GTSF1: variants seen among roughly 807,000 people sequenced by gnomAD.
GTSF1 encodes the protein gametocyte-specific factor 1.
GTSF1 carries 11 observed loss-of-function variants against 28.9 expected under a neutral mutation model. The observed-to-expected ratio is 0.38, with a 90% confidence interval of 0.24 to 0.63. GTSF1 has a LOEUF of 0.63. Among genes scored for constraint, GTSF1 ranks in the 30% least tolerant of loss-of-function variants. GTSF1 has a pLI of 0.56. For missense variants in GTSF1, 146 were observed against 201.0 expected (o/e 0.73, Z 1.66); for synonymous variants, 69 against 65.6 (o/e 1.05, Z -0.25).
At chr12:54,461,756 C>T (rs754988647) in intron 6 of GTSF1, among the ~76,000 whole-genome samples, 1 of 152,140 alleles carries the variant, frequency 6.6e-6, no homozygotes, top group African/African-American at 2.4e-5. Context: ...TTTTCCTATA[C>T]ACTAGTTACC....
At position 54,459,647 on chromosome 12, in the gene GTSF1, C is replaced by G. The variant is rs988897342; in HGVS notation, c.488-522G>C. ...GCTGGTTCTTATGACTTATGACTTTCATTTTCTCTCTACTCATTTCCTTTT... is the reference window on the plus strand; with the variant it reads ...GCTGGTTCTTATGACTTATGACTTTGATTTTCTCTCTACTCATTTCCTTTT... On this transcript the variant is annotated intron_variant, in intron 7 of 8. Coordinates refer to ENST00000305879, the MANE Select transcript of GTSF1 (RefSeq NM_144594.3). The G allele has an allele frequency of 1.6e-5, 4 of 244,916 alleles. No homozygotes were observed. In the South Asian group the frequency reaches 1.8e-4, roughly 11 times the overall value. 15.2% of individuals were successfully genotyped at this position (244,916 alleles called of 1,614,324 possible).
chr12:54,462,428 C>T (rs945290946), intron 5 of GTSF1, among the ~76,000 whole-genome samples: 2 of 152,074 alleles, frequency 1.3e-5, no homozygotes, highest in Non-Finnish European at 2.9e-5. Context: ...TGGAAAAAAA[C>T]AGATGTAAAG....
intron 6 of GTSF1, among the ~76,000 whole-genome samples, 198 bp from the exon 7 acceptor site, chr12:54,460,669 G>A (rs1440064661): frequency 6.6e-6 from 1 of 152,152 alleles, no homozygotes; most frequent in Admixed American, 6.5e-5. Flanking sequence ...TCCCTGTTCT[G>A]TATAGACATT....
intron 6 of GTSF1, among the ~76,000 whole-genome samples, chr12:54,461,442 G>T (rs539043324): frequency 1.1e-4 from 17 of 152,012 alleles, no homozygotes; most frequent in African/African-American, 3.1e-4. Flanking sequence ...GGAGGCAGAG[G>T]GGGGAGGATC....
intron 4 of GTSF1, 118 bp downstream of exon 4, chr12:54,463,053 G>A (rs1329523666): frequency 4.1e-6 from 4 of 980,000 alleles, no homozygotes; most frequent in Non-Finnish European, 4.5e-6. Flanking sequence ...TCTCAAAGGT[G>A]GAAAAGTATT....
At position 54,465,094 on chromosome 12, in the gene GTSF1, A is replaced by G. The variant is rs771978113; in HGVS notation, c.90T>C (p.Phe30=). ...TTCTGCACTTGATAAGATGATAAGG[A>G]AACCTGCAAGCCCTGATTTGATGGT... ...DKNHQIRACR[F]PYHLIKCRKN... The change falls in exon 3 of 9, where the codon TTT becomes TTC. Residue 30 remains phenylalanine (F), a synonymous_variant. Transcript: ENST00000305879. 2 of 1,613,428 alleles carry G rather than the reference A, an allele frequency of 1.2e-6. No individual in the cohort carries two copies. The highest frequency in any genetic ancestry group is 8.5e-7 in the Non-Finnish European group (1 of 1,179,470).
intron 2 of GTSF1, among the ~76,000 whole-genome samples, chr12:54,470,100 G>A (rs1956576192): frequency 1.3e-5 from 2 of 152,050 alleles, no homozygotes; most frequent in African/African-American, 4.8e-5. Context: ...GCTTGAACCC[G>A]GGAGGGTGGA....
chr12:54,462,558 T>TA, intron 5 of GTSF1, 84 bp downstream of exon 5: 1 of 1,172,680 alleles, frequency 8.5e-7, no homozygotes. Context: ...GGTATGTTCA[T>TA]AAAAAAGGAA....
chr12:54,471,499 C>T (rs1169654858), intron 1 of GTSF1, among the ~76,000 whole-genome samples: 2 of 152,070 alleles, frequency 1.3e-5, no homozygotes, highest in African/African-American at 4.8e-5. Context: ...ATTCTAGGGC[C>T]TACCAAATAG....
intron 7 of GTSF1, 38 bp downstream of exon 7, chr12:54,460,339 T>A (rs376348312): frequency 7.1e-7 from 1 of 1,408,544 alleles, no homozygotes; most frequent in African/African-American, 1.4e-5. Flanking sequence ...TTTAGCACAA[T>A]GAAAAGAGTA....
In GTSF1 at chr12:54,473,537, T is replaced by C. The variant is rs1360257270; in HGVS notation, c.-30+9A>G. The C allele has an allele frequency of 6.6e-6, 1 of 152,130 alleles. No individual in the cohort carries two copies. The highest frequency in any genetic ancestry group is 1.5e-5 in the Non-Finnish European group (1 of 68,020). The allele number at this position is 152,130 out of a possible 1,614,324, so 9.4% of individuals were successfully genotyped here. On this transcript the variant is annotated intron_variant, in intron 1 of 8. Transcript: ENST00000305879. ...TTGCTTAGAGGCGCCCCGGGGTGCC[T>C]TTCCTTACCTCGGTGGACACACACC... is the stretch of plus-strand genomic sequence containing the variant.
chr12:54,459,341 T>A, intron 7 of GTSF1: 1 of 1,435,146 alleles, frequency 7.0e-7, no homozygotes, highest in Non-Finnish European at 9.1e-7. Context: ...ATTTGGTGAC[T>A]TCATTTTTTG....
At chr12:54,469,538 A>T (rs1956568043) in intron 2 of GTSF1, among the ~76,000 whole-genome samples, 1 of 151,118 alleles carries the variant, frequency 6.6e-6, no homozygotes, top group African/African-American at 2.4e-5. Flanking sequence ...AAATATAAAA[A>T]TTAGCCAGGC....
chr12:54,467,930 T>C (rs1956543581), intron 2 of GTSF1, among the ~76,000 whole-genome samples: 1 of 151,148 alleles, frequency 6.6e-6, no homozygotes, highest in South Asian at 2.1e-4. Context: ...CCCGCCACCA[T>C]GCCTGGCTAA....
At chr12:54,462,539 G>C in intron 5 of GTSF1, 103 bp downstream of exon 5, 1 of 932,870 alleles carries the variant, frequency 1.1e-6, no homozygotes, top group Admixed American at 2.2e-5. Flanking sequence ...AAGGCATTCT[G>C]AACAACATGG....
At chr12:54,466,785 T>C (rs1376393536) in intron 2 of GTSF1, 2 of 151,286 alleles carry the variant, frequency 1.3e-5, no homozygotes, top group East Asian at 1.9e-4. Flanking sequence ...CCTGGCTTTC[T>C]AGATTAAAAA....
At chr12:54,460,292 C>T in intron 7 of GTSF1, 85 bp downstream of exon 7, 2 of 1,002,482 alleles carry the variant, frequency 2.0e-6, no homozygotes, top group South Asian at 1.4e-5. Flanking sequence ...GCAAGGTGTT[C>T]AGACTGAACA....
At chr12:54,462,587 A>C (rs139238320) in intron 5 of GTSF1, 55 bp downstream of exon 5, 1 of 1,422,556 alleles carries the variant, frequency 7.0e-7, no homozygotes, top group African/African-American at 1.4e-5. Flanking sequence ...TTCTGTCTTA[A>C]GCAAATGACT....
At chr12:54,473,395 G>GA (rs1417908869) in intron 1 of GTSF1, among the ~76,000 whole-genome samples, 151 bp downstream of exon 1, 1 of 152,134 alleles carries the variant, frequency 6.6e-6, no homozygotes, top group African/African-American at 2.4e-5. Context: ...GCAATGCAGC[G>GA]AAACAGGTTG....
Sources: allele counts gnomAD v4.1 joint callset (sites outside exome capture counted in the v4.1 genomes callset), GRCh38; gene constraint gnomAD v4.1.1; transcripts MANE v1.5; gene names NCBI Gene and HGNC (gene_info 2026-07-23, HGNC 2026-07-21).